RAPH1: variants seen among roughly 807,000 people sequenced by gnomAD.
RAPH1 encodes the protein Ras association (RalGDS/AF-6) and pleckstrin homology domains 1.
A neutral mutation model predicts 88.1 loss-of-function variants in RAPH1; 18 were observed. The ratio of observed to expected loss-of-function variants is 0.20; its 90% CI spans 0.14 to 0.30. RAPH1 has a LOEUF of 0.30. Among genes scored for constraint, RAPH1 ranks in the 10% least tolerant of loss-of-function variants. RAPH1 has a pLI of 1.00. For synonymous variants in RAPH1, 587 were observed against 559.0 expected (o/e 1.05, Z -0.71); for missense variants, 1,448 against 1,543.2 (o/e 0.94, Z 1.03).
chr2:203,477,144 G>A, intron 4 of RAPH1: 2 of 1,613,852 alleles, frequency 1.2e-6, no homozygotes, highest in Non-Finnish European at 1.7e-6. Context: ...GAACATCTCA[G>A]AGAAATAGCA....
intron 7 of RAPH1, 91 bp downstream of exon 7, chr2:203,459,816 T>A: frequency 7.6e-7 from 1 of 1,313,506 alleles, no homozygotes; most frequent in Non-Finnish European, 1.1e-6. Context: ...AACCAGGTGT[T>A]TACCAGTCTT....
At position 203,439,409 on chromosome 2, in the gene RAPH1, A is replaced by G; in HGVS notation, c.*28T>C. 3.1e-6 allele frequency: 5 copies of G among 1,600,008 alleles called. No individual in the cohort carries two copies. The highest frequency in any genetic ancestry group is 4.3e-6 in the Non-Finnish European group (5 of 1,169,764). ...GAGCTGATTGTAGCAGTGATTACAG[A>G]TATCATGAAAATAAAGTCCTATGGT... On this transcript the variant is annotated 3_prime_UTR_variant, in exon 14 of 14. Transcript: ENST00000319170.
chr2:203,482,805 A>AC (rs1687787257), intron 4 of RAPH1, among the ~76,000 whole-genome samples: 1 of 145,544 alleles, frequency 6.9e-6, no homozygotes, highest in African/African-American at 2.8e-5. Flanking sequence ...TCTGTCTCAA[A>AC]AAAAACAAAA....
chr2:203,507,042 G>A (rs1269049722), intron 1 of RAPH1, among the ~76,000 whole-genome samples: 5 of 149,534 alleles, frequency 3.3e-5, no homozygotes, highest in East Asian at 2.0e-4. Context: ...GATTACAGGC[G>A]CCTGCCACCA....
intron 1 of RAPH1, among the ~76,000 whole-genome samples, chr2:203,523,783 G>A (rs1336336966): frequency 4.6e-5 from 7 of 152,148 alleles, no homozygotes; most frequent in African/African-American, 2.4e-5. Flanking sequence ...GAGGCAGGTG[G>A]ATCACCAGGT....
At position 203,495,231 on chromosome 2, in the gene RAPH1, C is replaced by T; in HGVS notation, c.120+3G>A. 1.2e-6 allele frequency: 2 copies of T among 1,614,036 alleles called. No homozygotes were observed. The highest frequency in any genetic ancestry group is 1.7e-6 in the Non-Finnish European group (2 of 1,180,002). ...CTCAACCAGTTTTTCAAGCACTACT[C>T]ACCTGAGTGAGTTTGTCTAGTTCTC... On this transcript the variant is annotated splice_donor_region_variant and intron_variant, in intron 2 of 13. Transcript: ENST00000319170.
chr2:203,527,278 C>T lies in RAPH1; in HGVS notation c.-1+7833G>A, dbSNP rs570316725. Among the ~76,000 whole-genome samples, 8 of 152,102 alleles carry T rather than the reference C, an allele frequency of 5.3e-5. No homozygotes were observed. In the East Asian group the frequency reaches 1.5e-3, roughly 29 times the overall value. ...TTTATCCTTAACATACAGACACTGG[C>T]GTCTTCACCGTGGCCACCTGTCAGA... is the stretch of plus-strand genomic sequence containing the variant. On this transcript the variant is annotated intron_variant, in intron 1 of 13. Coordinates refer to ENST00000319170, the MANE Select transcript of RAPH1 (RefSeq NM_213589.3).
At chr2:203,474,543 G>GTC (rs1274543296) in intron 4 of RAPH1, among the ~76,000 whole-genome samples, 1 of 152,152 alleles carries the variant, frequency 6.6e-6, no homozygotes, top group African/African-American at 2.4e-5. Context: ...ATGGAAAGAA[G>GTC]TCTGCACTTT....
At chr2:203,494,870 T>G (rs1688444334) in intron 2 of RAPH1, among the ~76,000 whole-genome samples, 1 of 151,782 alleles carries the variant, frequency 6.6e-6, no homozygotes, top group Non-Finnish European at 1.5e-5. Flanking sequence ...AAGGAAATTA[T>G]TTATGTTGAA....
chr2:203,498,045 T>C (rs1487709250), intron 1 of RAPH1, among the ~76,000 whole-genome samples: 1 of 152,232 alleles, frequency 6.6e-6, no homozygotes, highest in African/African-American at 2.4e-5. Context: ...GGAATATACT[T>C]GCTTTTACTT....
At chr2:203,492,149 G>A (rs1396378552) in intron 2 of RAPH1, among the ~76,000 whole-genome samples, 1 of 150,804 alleles carries the variant, frequency 6.6e-6, no homozygotes, top group Non-Finnish European at 1.5e-5. Flanking sequence ...CAGGAGAATC[G>A]CTTAAGCCTG....
chr2:203,475,639 T>G (rs1373271064), intron 4 of RAPH1, among the ~76,000 whole-genome samples: 1 of 152,008 alleles, frequency 6.6e-6, no homozygotes, highest in Non-Finnish European at 1.5e-5. Flanking sequence ...TAAGATTATT[T>G]CCCTTTTTCT....
intron 1 of RAPH1, among the ~76,000 whole-genome samples, chr2:203,501,181 CAA>C (rs1688724846): frequency 6.6e-6 from 1 of 151,240 alleles, no homozygotes; most frequent in Non-Finnish European, 1.5e-5. Context: ...TAGTAAGGCA[CAA>C]AAAGAGGAAG....
intron 1 of RAPH1, among the ~76,000 whole-genome samples, chr2:203,529,607 C>T (rs1690297773): frequency 6.6e-6 from 1 of 152,172 alleles, no homozygotes; most frequent in Admixed American, 6.5e-5. Flanking sequence ...AGGCAATCCA[C>T]CCACCTTGGC....
intron 2 of RAPH1, among the ~76,000 whole-genome samples, chr2:203,492,407 T>C (rs1688309781): frequency 6.6e-6 from 1 of 152,196 alleles, no homozygotes; most frequent in African/African-American, 2.4e-5. Flanking sequence ...TAATGGAAAG[T>C]GATTACAAGT....
chr2:203,480,300 G>A (rs1261908510), intron 4 of RAPH1, among the ~76,000 whole-genome samples: 1 of 152,216 alleles, frequency 6.6e-6, no homozygotes, highest in Non-Finnish European at 1.5e-5. Flanking sequence ...TGTAATCCCA[G>A]CACTTTGGGA....
chr2:203,440,135 G>A lies in RAPH1; in HGVS notation c.3055C>T (p.Pro1019Ser), dbSNP rs2153632871. 2 of 1,613,516 alleles carry A rather than the reference G, an allele frequency of 1.2e-6. No individual in the cohort carries two copies. Among genetic ancestry groups the A allele is most frequent in the Non-Finnish European group, 1.7e-6 (2 of 1,179,944 alleles). ...ESGSPSKETL[P>S]PPAAPPKPGK... is the part of the protein sequence containing the mutation. ...GGCTTGGGGGGTGCTGCAGGAGGTG[G>A]TAGGGTCTCCTTGCTGGGAGACCCT... The change falls in exon 14 of 14, where the codon CCA (proline) becomes TCA (serine). Residue 1019 changes from proline (P) to serine (S), a missense_variant. Around this residue, in one of 2 missense-constraint regions of RAPH1, gnomAD observed 935 missense variants for 890.1 expected, o/e 1.05. Transcript: ENST00000319170.
At chr2:203,489,166 T>G (rs944387933) in intron 4 of RAPH1, among the ~76,000 whole-genome samples, 1 of 151,888 alleles carries the variant, frequency 6.6e-6, no homozygotes, top group Admixed American at 6.6e-5. Flanking sequence ...AAAAAAAAGA[T>G]AATGAAATGG....
intron 13 of RAPH1, chr2:203,441,714 T>C (rs769583878): frequency 2.7e-5 from 35 of 1,301,078 alleles, no homozygotes; most frequent in Admixed American, 3.8e-5. Flanking sequence ...GATGCATGAC[T>C]TCTGACCTTG....
Sources: allele counts gnomAD v4.1 joint callset (sites outside exome capture counted in the v4.1 genomes callset), GRCh38; gene constraint gnomAD v4.1.1; regional missense constraint gnomAD v4.1.1; transcripts MANE v1.5; gene names NCBI Gene and HGNC (gene_info 2026-07-23, HGNC 2026-07-21).